The following PAPPA variants were observed in gnomAD, a reference collection of about 807,000 sequenced individuals.
PAPPA encodes the protein pappalysin-1.
Under a neutral mutation model 164.0 loss-of-function variants are expected in PAPPA, and 60 were observed. That is an observed-to-expected ratio of 0.37 (90% CI 0.30 to 0.45). PAPPA has a LOEUF of 0.45. PAPPA is among the 20% of genes least tolerant of loss of function. PAPPA has a pLI of 1.00. For missense variants in PAPPA, 1,782 were observed against 2,087.3 expected, an observed-to-expected ratio of 0.85 and a Z score of 2.85; for synonymous variants, 875 against 814.1, an observed-to-expected ratio of 1.07 and a Z score of -1.27.
intron 17 of PAPPA, among the ~76,000 whole-genome samples, chr9:116,358,222 TA>T (rs1846378438): frequency 6.6e-6 from 1 of 152,084 alleles, no homozygotes; most frequent in African/African-American, 2.4e-5. Context: ...GAAAGAGACT[TA>T]TCCTGAGTCA....
intron 2 of PAPPA, among the ~76,000 whole-genome samples, chr9:116,199,468 C>T (rs1056361781): frequency 6.6e-6 from 1 of 152,204 alleles, no homozygotes; most frequent in Non-Finnish European, 1.5e-5. Flanking sequence ...TTCTTATATA[C>T]ATTCCTATTG....
intron 1 of PAPPA, among the ~76,000 whole-genome samples, chr9:116,186,033 A>G (rs888408558): frequency 6.6e-6 from 1 of 152,154 alleles, no homozygotes. Context: ...TATTCTCACC[A>G]GTTAAGTGAG....
chr9:116,328,946 A>C (rs1402205670), intron 10 of PAPPA, among the ~76,000 whole-genome samples: 1 of 152,238 alleles, frequency 6.6e-6, no homozygotes, highest in Non-Finnish European at 1.5e-5. Flanking sequence ...ATATGAAATT[A>C]CTTCAACAAA....
intron 1 of PAPPA, among the ~76,000 whole-genome samples, chr9:116,174,937 A>G (rs1217734451): frequency 1.3e-5 from 2 of 152,148 alleles, no homozygotes; most frequent in African/African-American, 4.8e-5. Context: ...CTCCAAATAG[A>G]AATTTTTTTC....
At chr9:116,211,095 T>A (rs546910206) in intron 3 of PAPPA, among the ~76,000 whole-genome samples, 2 of 152,332 alleles carry the variant, frequency 1.3e-5, no homozygotes, top group African/African-American at 4.8e-5. Flanking sequence ...GGTGCTGACC[T>A]TCATTAGCGT....
At chr9:116,332,748 CAAG>C (rs1846010706) in intron 12 of PAPPA, 2 of 293,594 alleles carry the variant, frequency 6.8e-6, no homozygotes, top group Non-Finnish European at 1.3e-5. Context: ...CCACAGACCC[CAAG>C]AAGGAGAGAG....
chr9:116,179,789 C>A (rs904471248), intron 1 of PAPPA, among the ~76,000 whole-genome samples: 1 of 152,148 alleles, frequency 6.6e-6, no homozygotes, highest in Non-Finnish European at 1.5e-5. Context: ...CAGATAAAAG[C>A]TTTCCATAGG....
At chr9:116,216,741 T>A (rs925045050) in intron 4 of PAPPA, among the ~76,000 whole-genome samples, 1 of 152,150 alleles carries the variant, frequency 6.6e-6, no homozygotes, top group Non-Finnish European at 1.5e-5. Flanking sequence ...CTTCAGCTTT[T>A]TTTTTATTTT....
intron 10 of PAPPA, among the ~76,000 whole-genome samples, chr9:116,310,975 C>A (rs936057624): frequency 6.6e-6 from 1 of 150,734 alleles, no homozygotes; most frequent in African/African-American, 2.4e-5. Context: ...TAGCAACCGA[C>A]AAAGTTTTAA....
At chr9:116,198,029 G>A (rs1458409323) in intron 2 of PAPPA, among the ~76,000 whole-genome samples, 3 of 152,190 alleles carry the variant, frequency 2.0e-5, no homozygotes, top group Non-Finnish European at 4.4e-5. Context: ...AGATGTGATT[G>A]TCTTTGCTTA....
chr9:116,370,659 C>G (rs1218014325), intron 19 of PAPPA, among the ~76,000 whole-genome samples: 1 of 152,192 alleles, frequency 6.6e-6, no homozygotes, highest in Non-Finnish European at 1.5e-5. Flanking sequence ...TCTTGCGAGC[C>G]TATGCAAGCC....
intron 9 of PAPPA, among the ~76,000 whole-genome samples, chr9:116,275,877 AG>A (rs1487379589): frequency 6.6e-6 from 1 of 152,162 alleles, no homozygotes; most frequent in Non-Finnish European, 1.5e-5. Context: ...CCAAGGTGCC[AG>A]TGTGTTATTA....
At chr9:116,225,092 T>C (rs1023085177) in intron 5 of PAPPA, among the ~76,000 whole-genome samples, 1 of 152,244 alleles carries the variant, frequency 6.6e-6, no homozygotes, top group African/African-American at 2.4e-5. Flanking sequence ...TGGCTTTATG[T>C]GTATCACCCA....
chr9:116,355,285 A>G (rs1040880917), intron 17 of PAPPA, among the ~76,000 whole-genome samples: 44 of 152,364 alleles, frequency 2.9e-4, no homozygotes, highest in African/African-American at 1.0e-3. Flanking sequence ...AAGGACTGCA[A>G]TGAACATCAA....
intron 1 of PAPPA, among the ~76,000 whole-genome samples, chr9:116,161,950 A>G (rs1397373828): frequency 2.0e-5 from 3 of 152,126 alleles, no homozygotes. Context: ...GCAAATACGG[A>G]GACCACCGTT....
intron 6 of PAPPA, among the ~76,000 whole-genome samples, chr9:116,231,638 T>C (rs1174473808): frequency 6.6e-6 from 1 of 150,898 alleles, no homozygotes. Flanking sequence ...TAGTTACTCT[T>C]TGAATGCATG....
chr9:116,190,894 C>T (rs1017871052), intron 2 of PAPPA, among the ~76,000 whole-genome samples: 3 of 152,208 alleles, frequency 2.0e-5, no homozygotes, highest in Admixed American at 6.5e-5. Context: ...CACCAGGTCA[C>T]GTGTCATCTC....
Position 116,275,585 on chromosome 9 carries a change from C to T in PAPPA, c.2953+4169C>T, listed in dbSNP as rs182688071. On this transcript the variant is annotated intron_variant, in intron 9 of 21. Transcript: ENST00000328252. ...CCTCTCCATTTGAATGACTTTCTTC[C>T]TTCCACTGTTCTTTCTTTGTTCTTC... is the stretch of plus-strand genomic sequence containing the variant. Among the ~76,000 whole-genome samples the T allele has an allele frequency of 3.3e-4, 50 of 152,186 alleles. No homozygotes were observed. In the East Asian group the frequency reaches 9.3e-3, roughly 28 times the overall value.
At chr9:116,281,847 A>T (rs1328564980) in intron 9 of PAPPA, among the ~76,000 whole-genome samples, 3 of 152,104 alleles carry the variant, frequency 2.0e-5, no homozygotes, top group Admixed American at 2.0e-4. Flanking sequence ...CACCCCACTT[A>T]ACCATCCTCT....
Sources: allele counts gnomAD v4.1 joint callset (sites outside exome capture counted in the v4.1 genomes callset), GRCh38; gene constraint gnomAD v4.1.1; transcripts MANE v1.5; gene names NCBI Gene and HGNC (gene_info 2026-07-23, HGNC 2026-07-21).